IL1RAPL1: variants seen among roughly 807,000 people sequenced by gnomAD.
IL1RAPL1 encodes the protein interleukin-1 receptor accessory protein-like 1.
Under a neutral mutation model 48.4 loss-of-function variants are expected in IL1RAPL1, and 3 were observed. The ratio of observed to expected loss-of-function variants is 0.06; its 90% CI spans 0.03 to 0.16. The LOEUF is 0.16. Among genes scored for constraint, IL1RAPL1 ranks in the 10% least tolerant of loss-of-function variants. The pLI is 1.00. For synonymous variants in IL1RAPL1, 185 were observed against 187.7 expected (o/e 0.99, Z 0.12); for missense variants, 349 against 530.6 (o/e 0.66, Z 3.36).
intron 6 of IL1RAPL1, among the ~76,000 whole-genome samples, chrX:29,892,570 T>C (rs1453379029): frequency 8.9e-6 from 1 of 112,683 alleles, no homozygotes; most frequent in Non-Finnish European, 1.9e-5. Flanking sequence ...ATCAAGGGTC[T>C]GTTTGGCAAC....
intron 5 of IL1RAPL1, among the ~76,000 whole-genome samples, chrX:29,569,065 GA>G (rs1406533774): frequency 1.8e-5 from 2 of 110,880 alleles, no homozygotes; most frequent in South Asian, 3.8e-4. Context: ...TATCAAAAAG[GA>G]AAAAAATTGT....
chrX:29,001,749 C>T (rs895555040), intron 2 of IL1RAPL1, among the ~76,000 whole-genome samples: 2 of 111,175 alleles, frequency 1.8e-5, no homozygotes, highest in African/African-American at 6.5e-5. Context: ...TTCAAAGTGA[C>T]ATTAGTTGCA....
chrX:29,711,520 A>AT (rs1054351232), intron 6 of IL1RAPL1, among the ~76,000 whole-genome samples: 2 of 111,096 alleles, frequency 1.8e-5, no homozygotes, highest in African/African-American at 6.5e-5. Context: ...GAAAATAATT[A>AT]TTTTTTCTCT....
At chrX:29,089,852 T>C (rs12013211) in intron 2 of IL1RAPL1, among the ~76,000 whole-genome samples, 21,461 of 92,791 alleles carry the variant, frequency 0.23, 2,998 homozygotes, top group African/African-American at 0.45. Flanking sequence ...TGCCCAAAGC[T>C]GATAGTGAAC....
At chrX:29,028,201 C>T (rs1383800375) in intron 2 of IL1RAPL1, among the ~76,000 whole-genome samples, 1 of 110,023 alleles carries the variant, frequency 9.1e-6, no homozygotes, top group African/African-American at 3.3e-5. Context: ...GACTTATTCC[C>T]CCTTTCTAAC....
chrX:29,770,711 A>T (rs1008441740), intron 6 of IL1RAPL1, among the ~76,000 whole-genome samples: 2 of 112,362 alleles, frequency 1.8e-5, no homozygotes, highest in African/African-American at 6.5e-5. Flanking sequence ...AGCGTCTGTT[A>T]CCACCATTAT....
chrX:29,295,952 G>A (rs1602156751), intron 3 of IL1RAPL1, among the ~76,000 whole-genome samples: 1 of 111,694 alleles, frequency 9.0e-6, no homozygotes, highest in African/African-American at 3.2e-5. Context: ...TAAAACCCAT[G>A]TGCCTGATAA....
Position 28,894,737 on chromosome X carries a change from A to G in IL1RAPL1, c.82+105312A>G, listed in dbSNP as rs767600474. On this transcript the variant is annotated intron_variant, in intron 2 of 10. Transcript: ENST00000378993. ...GACATGAGGGCTAGGCTAAAACAGT[A>G]AGGTCAAGTTGTTTGGACAGAAAGG... 9.3e-3 allele frequency among the ~76,000 whole-genome samples: 1,029 copies of G among 110,922 alleles called. 11 individuals are homozygous for G. The highest frequency in any genetic ancestry group is 0.032 in the African/African-American group (970 of 30,466).
chrX:29,610,731 G>A (rs1924064200), intron 5 of IL1RAPL1, among the ~76,000 whole-genome samples: 1 of 112,715 alleles, frequency 8.9e-6, no homozygotes, highest in Admixed American at 9.3e-5. Context: ...AATTGCTGCT[G>A]CACAAACCCC....
At chrX:29,210,569 A>G (rs1007761944) in intron 2 of IL1RAPL1, among the ~76,000 whole-genome samples, 1 of 112,226 alleles carries the variant, frequency 8.9e-6, no homozygotes, top group South Asian at 3.7e-4. Context: ...ATGAATGACA[A>G]TAATCTAACT....
At chrX:29,806,714 A>G (rs1930264261) in intron 6 of IL1RAPL1, among the ~76,000 whole-genome samples, 2 of 111,597 alleles carry the variant, frequency 1.8e-5, no homozygotes, top group Admixed American at 9.6e-5. Context: ...GGAAATAACC[A>G]TCTAAAGAAT....
chrX:29,052,828 C>T (rs1437563191), intron 2 of IL1RAPL1, among the ~76,000 whole-genome samples: 4 of 111,048 alleles, frequency 3.6e-5, no homozygotes, highest in African/African-American at 6.6e-5. Flanking sequence ...CCTGCCACCA[C>T]GCCCGGCTAA....
chrX:29,507,217 A>C (rs1163039810), intron 5 of IL1RAPL1, among the ~76,000 whole-genome samples: 1 of 104,267 alleles, frequency 9.6e-6, no homozygotes, highest in Non-Finnish European at 2.0e-5. Context: ...ATTTATTATT[A>C]TTATTTTATA....
intron 2 of IL1RAPL1, among the ~76,000 whole-genome samples, chrX:28,892,409 C>A (rs1295864068): frequency 1.8e-5 from 2 of 110,173 alleles, no homozygotes; most frequent in Non-Finnish European, 1.9e-5. Flanking sequence ...AAGGCAAGGA[C>A]CGGCCATTTT....
intron 3 of IL1RAPL1, among the ~76,000 whole-genome samples, chrX:29,312,128 A>G (rs1177942755): frequency 9.0e-6 from 1 of 111,543 alleles, no homozygotes; most frequent in African/African-American, 3.3e-5. Context: ...GAGGACAAGT[A>G]GGACATTGTC....
At chrX:29,888,684 C>T (rs1416451534) in intron 6 of IL1RAPL1, among the ~76,000 whole-genome samples, 3 of 110,644 alleles carry the variant, frequency 2.7e-5, no homozygotes, top group Non-Finnish European at 3.8e-5. Flanking sequence ...AAAAATTCCT[C>T]GCCAACTATT....
At chrX:29,916,257 A>G (rs1044177403) in intron 6 of IL1RAPL1, among the ~76,000 whole-genome samples, 9 of 109,829 alleles carry the variant, frequency 8.2e-5, no homozygotes, top group African/African-American at 3.0e-4. Flanking sequence ...TCATTTGGGT[A>G]TATACCCAGT....
In IL1RAPL1 at chrX:29,497,836, G is replaced by A. The variant is rs1935230143; in HGVS notation, c.703+98528G>A. Among the ~76,000 whole-genome samples the A allele has an allele frequency of 3.6e-5, 4 of 111,208 alleles. No individual in the cohort carries two copies. The South Asian group carries it at 1.5e-3, about 42-fold the overall frequency. On this transcript the variant is annotated intron_variant, in intron 5 of 10. Coordinates refer to ENST00000378993, the MANE Select transcript of IL1RAPL1 (RefSeq NM_014271.4). ...TGCTAACTGGTTCATCTTAAATTTG[G>A]TGATCCTCTATAGTTTAATAATTGT... is the stretch of plus-strand genomic sequence containing the variant.
At chrX:28,880,372 G>A (rs1295233179) in intron 2 of IL1RAPL1, among the ~76,000 whole-genome samples, 2 of 112,174 alleles carry the variant, frequency 1.8e-5, no homozygotes, top group East Asian at 5.6e-4. Flanking sequence ...AGTCAGCTAA[G>A]CTCTGTTTGA....
Sources: allele counts gnomAD v4.1 joint callset (sites outside exome capture counted in the v4.1 genomes callset), GRCh38; gene constraint gnomAD v4.1.1; transcripts MANE v1.5; gene names NCBI Gene and HGNC (gene_info 2026-07-23, HGNC 2026-07-21).